The following THSD7B variants were observed in gnomAD, a reference collection of about 807,000 sequenced individuals.
THSD7B encodes thrombospondin type 1 domain containing 7B.
In THSD7B, 138 loss-of-function variants were observed where a neutral mutation model predicts 213.6. That is an observed-to-expected ratio of 0.65 (90% CI 0.56 to 0.74). The LOEUF (loss-of-function observed/expected upper bound fraction) is 0.74, where lower values mean the gene tolerates loss of function less well. Among genes scored for constraint, THSD7B ranks in the 30% least tolerant of loss-of-function variants. The pLI is 0.00. For missense variants in THSD7B, 1,931 were observed against 1,991.5 expected, an observed-to-expected ratio of 0.97 and a Z score of 0.58; for synonymous variants, 742 against 687.0, an observed-to-expected ratio of 1.08 and a Z score of -1.25.
At chr2:137,141,277 C>T (rs1359255585) in intron 5 of THSD7B, among the ~76,000 whole-genome samples, 2 of 152,026 alleles carry the variant, frequency 1.3e-5, no homozygotes, top group East Asian at 1.9e-4. Flanking sequence ...TGTGTCAGTG[C>T]CAGCTACAAG....
intron 5 of THSD7B, among the ~76,000 whole-genome samples, chr2:137,147,227 T>C (rs1192848654): frequency 6.6e-6 from 1 of 152,148 alleles, no homozygotes; most frequent in Admixed American, 6.6e-5. Flanking sequence ...GGGAAGAAGA[T>C]GCTTTTGTTC....
intron 12 of THSD7B, among the ~76,000 whole-genome samples, chr2:137,395,960 TG>T (rs1251610746): frequency 6.6e-6 from 1 of 152,140 alleles, no homozygotes; most frequent in African/African-American, 2.4e-5. Flanking sequence ...TAGAGGTGTT[TG>T]TAGTGTTCTC....
chr2:137,403,493 T>C (rs1344804771), intron 12 of THSD7B, among the ~76,000 whole-genome samples: 1 of 152,184 alleles, frequency 6.6e-6, no homozygotes, highest in Non-Finnish European at 1.5e-5. Flanking sequence ...ACATAGCAGA[T>C]TTTAAAGAAC....
chr2:137,354,524 A>G (rs1327331169), intron 12 of THSD7B, among the ~76,000 whole-genome samples: 2 of 152,108 alleles, frequency 1.3e-5, no homozygotes, highest in Admixed American at 6.6e-5. Context: ...ATAATATTGT[A>G]TTTAGTGTCT....
intron 15 of THSD7B, among the ~76,000 whole-genome samples, chr2:137,511,748 G>C (rs1303426330): frequency 1.3e-5 from 2 of 152,142 alleles, no homozygotes; most frequent in African/African-American, 4.8e-5. Flanking sequence ...ATTCCCCCTA[G>C]GCTTTCAGTC....
intron 2 of THSD7B, among the ~76,000 whole-genome samples, chr2:136,939,993 C>G (rs987137178): frequency 2.6e-5 from 4 of 152,148 alleles, no homozygotes; most frequent in Non-Finnish European, 5.9e-5. Flanking sequence ...ACTATCCTAG[C>G]CAGGAAGTCC....
chr2:137,535,361 C>T (rs1376700345), intron 15 of THSD7B, among the ~76,000 whole-genome samples: 2 of 151,402 alleles, frequency 1.3e-5, no homozygotes, highest in African/African-American at 2.4e-5. Flanking sequence ...TTTATATTAA[C>T]GGTCAGTGAT....
At chr2:137,144,635 C>G (rs924917594) in intron 5 of THSD7B, among the ~76,000 whole-genome samples, 2 of 151,822 alleles carry the variant, frequency 1.3e-5, no homozygotes, top group Non-Finnish European at 2.9e-5. Context: ...TGTTGTTTTT[C>G]TTGGTGAGTG....
intron 15 of THSD7B, among the ~76,000 whole-genome samples, chr2:137,534,726 T>A (rs907413624): frequency 6.6e-6 from 1 of 151,734 alleles, no homozygotes; most frequent in African/African-American, 2.4e-5. Context: ...AATAAATGTA[T>A]CCTTAACATC....
chr2:137,542,052 T>C (rs1161946139), intron 15 of THSD7B, among the ~76,000 whole-genome samples: 2 of 151,454 alleles, frequency 1.3e-5, no homozygotes, highest in Admixed American at 6.6e-5. Context: ...TTTAAAGAAA[T>C]AAAACCTAAA....
At chr2:137,225,564 T>C (rs1231960596) in intron 7 of THSD7B, among the ~76,000 whole-genome samples, 3 of 152,144 alleles carry the variant, frequency 2.0e-5, no homozygotes, top group African/African-American at 4.8e-5. Context: ...GGAAAAAACT[T>C]TGAGAAAGTT....
At chr2:136,853,268 G>T (rs1440144185) in intron 1 of THSD7B, among the ~76,000 whole-genome samples, 1 of 152,070 alleles carries the variant, frequency 6.6e-6, no homozygotes, top group African/African-American at 2.4e-5. Context: ...TGGAATCCAG[G>T]ATCTTGTGTT....
At chr2:137,298,143 C>A (rs1265828541) in intron 12 of THSD7B, among the ~76,000 whole-genome samples, 1 of 152,096 alleles carries the variant, frequency 6.6e-6, no homozygotes, top group Non-Finnish European at 1.5e-5. Flanking sequence ...AAAGGCCAGG[C>A]TGAGGTGGTC....
At chr2:137,269,423 TA>T (rs1333886364) in intron 10 of THSD7B, among the ~76,000 whole-genome samples, 1 of 152,242 alleles carries the variant, frequency 6.6e-6, no homozygotes, top group African/African-American at 2.4e-5. Flanking sequence ...ATGTTCAGTG[TA>T]AAAGGGAGAC....
intron 12 of THSD7B, among the ~76,000 whole-genome samples, chr2:137,398,607 C>T (rs1461872554): frequency 7.9e-5 from 12 of 151,602 alleles, no homozygotes; most frequent in East Asian, 4.0e-4. Flanking sequence ...GAGGTTACTG[C>T]TGTCTTTTTG....
rs1683718571 is a variant in THSD7B, at chr2:137,677,042, A to ACTT, written c.*439_*441dup. The ACTT allele has an allele frequency of 6.5e-6, 1 of 153,216 alleles. No individual in the cohort carries two copies. The highest frequency in any genetic ancestry group is 6.5e-5 in the Admixed American group (1 of 15,296). 9.5% of individuals were successfully genotyped at this position (153,216 alleles called of 1,614,324 possible). A position where few individuals can be genotyped will look rare whatever the true frequency, so the allele number is the denominator to read the frequency against. ...AGTGCAAAGTCTTTATTCTTCCCAT[A>ACTT]CTTCAACACTGAGTTTTCTAGAGTT... On this transcript the variant is annotated 3_prime_UTR_variant, in exon 28 of 28. Coordinates refer to ENST00000409968, the MANE Select transcript of THSD7B (RefSeq NM_001316349.2).
At chr2:137,674,015 A>T (rs1003420383) in intron 27 of THSD7B, among the ~76,000 whole-genome samples, 1 of 152,202 alleles carries the variant, frequency 6.6e-6, no homozygotes, top group African/African-American at 2.4e-5. Context: ...CAAACATGGT[A>T]AGTGGTATAA....
chr2:137,119,142 C>T (rs956418103), intron 5 of THSD7B, among the ~76,000 whole-genome samples: 2 of 152,160 alleles, frequency 1.3e-5, no homozygotes, highest in Non-Finnish European at 2.9e-5. Context: ...ATTTCAGGTT[C>T]TGGGTTTTAA....
At chr2:136,993,181 A>T in intron 2 of THSD7B, among the ~76,000 whole-genome samples, 1 of 152,230 alleles carries the variant, frequency 6.6e-6, no homozygotes, top group South Asian at 2.1e-4. Flanking sequence ...GATGTTTTGG[A>T]TGTATATGAG....
Sources: gnomAD v4.1 joint callset for allele counts (sites outside exome capture counted in the v4.1 genomes callset) on GRCh38, gnomAD v4.1.1 for gene constraint, MANE v1.5 for transcripts, NCBI Gene and HGNC (gene_info 2026-07-23, HGNC 2026-07-21) for gene names.